SHLD2: variants seen among roughly 807,000 people sequenced by gnomAD.
The protein encoded by SHLD2 is shieldin complex subunit 2, also known as RINN1-REV7-interacting novel NHEJ regulator 2.
SHLD2 carries 30 observed loss-of-function variants against 73.2 expected under a neutral mutation model. That is an observed-to-expected ratio of 0.41 (90% CI 0.31 to 0.56). SHLD2 has a LOEUF of 0.56. Among genes scored for constraint, SHLD2 ranks in the 20% least tolerant of loss-of-function variants. The probability of loss-of-function intolerance (pLI) is 0.28; values close to 1 mark genes in which losing one functional copy is unlikely to be tolerated. For synonymous variants in SHLD2, 285 were observed against 370.1 expected (o/e 0.77, Z 2.64); for missense variants, 745 against 1,055.9 (o/e 0.71, Z 4.08).
At chr10:87,136,129 G>GGTT (rs1450544809) in intron 2 of SHLD2, among the ~76,000 whole-genome samples, 1 of 151,578 alleles carries the variant, frequency 6.6e-6, no homozygotes, top group Non-Finnish European at 1.5e-5. Context: ...TGGACTTATG[G>GGTT]ATATTTTATA....
At chr10:87,120,468 C>T (rs1050883707) in intron 2 of SHLD2, among the ~76,000 whole-genome samples, 53 of 151,794 alleles carry the variant, frequency 3.5e-4, no homozygotes, top group Non-Finnish European at 5.2e-4. Flanking sequence ...AGGATGGTCT[C>T]GATCTCCTGA....
At chr10:87,102,902 G>T (rs949227606) in intron 2 of SHLD2, among the ~76,000 whole-genome samples, 2 of 151,638 alleles carry the variant, frequency 1.3e-5, no homozygotes, top group Non-Finnish European at 2.9e-5. Flanking sequence ...AGTAAACAAG[G>T]ACTTTTAAAA....
chr10:87,156,344 C>T (rs1156523414), intron 3 of SHLD2, among the ~76,000 whole-genome samples: 12 of 152,128 alleles, frequency 7.9e-5, no homozygotes, highest in Admixed American at 1.3e-4. Flanking sequence ...GGATTACAGG[C>T]GTGAGCCATC....
At chr10:87,156,224 G>A (rs1589594214) in intron 3 of SHLD2, among the ~76,000 whole-genome samples, 1 of 151,816 alleles carries the variant, frequency 6.6e-6, no homozygotes, top group African/African-American at 2.4e-5. Flanking sequence ...CCGCCACCAC[G>A]CCTGACTAAT....
At chr10:87,134,033 G>A (rs1844619149) in intron 2 of SHLD2, among the ~76,000 whole-genome samples, 1 of 152,148 alleles carries the variant, frequency 6.6e-6, no homozygotes, top group African/African-American at 2.4e-5. Context: ...CAGGATGAAG[G>A]CATGAAGGGT....
chr10:87,184,884 G>T (rs534507287), intron 8 of SHLD2, among the ~76,000 whole-genome samples: 179 of 152,192 alleles, frequency 1.2e-3, no homozygotes, highest in Middle Eastern at 0.01. Context: ...GTAATTTGTA[G>T]TTGCATACTG....
At chr10:87,120,405 G>T (rs1460070296) in intron 2 of SHLD2, among the ~76,000 whole-genome samples, 1 of 151,854 alleles carries the variant, frequency 6.6e-6, no homozygotes, top group East Asian at 1.9e-4. Context: ...CCGCCACCAC[G>T]CCCGGCTGAT....
Position 87,170,679 on chromosome 10 carries a change from A to G in SHLD2, c.1828+7A>G, listed in dbSNP as rs1847536687. ...GATTTCACTATACTGACAGGTAAAT[A>G]TTTTGACTGCCTCCTTAATTTTAGA... is the stretch of plus-strand genomic sequence containing the variant. On this transcript the variant is annotated splice_region_variant and intron_variant, in intron 5 of 9. Coordinates refer to ENST00000298786, the MANE Select transcript of SHLD2 (RefSeq NM_001330112.2). The G allele has an allele frequency of 6.3e-7, 1 of 1,598,418 alleles. No individual in the cohort carries two copies. Among genetic ancestry groups the G allele is most frequent in the African/African-American group, 1.4e-5 (1 of 74,068 alleles).
intron 2 of SHLD2, among the ~76,000 whole-genome samples, chr10:87,129,371 G>A (rs1391534036): frequency 2.0e-5 from 3 of 152,302 alleles, no homozygotes; most frequent in Admixed American, 6.5e-5. Context: ...GATTATGGGC[G>A]TTAGCCACCG....
At chr10:87,111,416 G>A (rs1181017143) in intron 2 of SHLD2, among the ~76,000 whole-genome samples, 1 of 151,710 alleles carries the variant, frequency 6.6e-6, no homozygotes, top group Non-Finnish European at 1.5e-5. Flanking sequence ...CGAAGTAGAC[G>A]GATCACTTGA....
upstream of SHLD2, chr10:87,094,608 G>A (rs1260272427): frequency 2.5e-6 from 4 of 1,610,454 alleles, no homozygotes; most frequent in Non-Finnish European, 3.4e-6. The surrounding 1 kb of genome is among the most constrained non-coding windows in gnomAD (Gnocchi z 6.6). Context: ...CCACCGCCTC[G>A]CTGTAGTGGC....
At chr10:87,122,934 C>T (rs192696484) in intron 2 of SHLD2, among the ~76,000 whole-genome samples, 1,746 of 152,202 alleles carry the variant, frequency 0.011, 30 homozygotes, top group Middle Eastern at 0.071. Context: ...CCTGCCACCA[C>T]GCTCGGCTAA....
intron 8 of SHLD2, among the ~76,000 whole-genome samples, chr10:87,181,483 A>G (rs1190227428): frequency 2.6e-5 from 4 of 152,236 alleles, no homozygotes; most frequent in African/African-American, 9.6e-5. Context: ...TATTTATGTC[A>G]TTCCAAATGT....
intron 2 of SHLD2, among the ~76,000 whole-genome samples, chr10:87,103,928 G>A (rs1842426568): frequency 1.3e-5 from 2 of 152,086 alleles, no homozygotes; most frequent in African/African-American, 4.8e-5. Context: ...AAACATGTGA[G>A]GTCTCTTAAA....
intron 3 of SHLD2, among the ~76,000 whole-genome samples, chr10:87,154,903 T>C (rs1296514246): frequency 1.3e-5 from 2 of 152,166 alleles, no homozygotes; most frequent in Non-Finnish European, 2.9e-5. Context: ...TTAGCTAATG[T>C]ACCTTGGTGT....
intron 2 of SHLD2, among the ~76,000 whole-genome samples, chr10:87,138,479 G>T (rs565715088): frequency 1.3e-5 from 2 of 151,506 alleles, no homozygotes; most frequent in East Asian, 1.9e-4. Flanking sequence ...AGAAGGGAAA[G>T]AATTTGTTTC....
intron 2 of SHLD2, among the ~76,000 whole-genome samples, chr10:87,104,089 C>T (rs1222263326): frequency 7.4e-5 from 11 of 149,512 alleles, no homozygotes; most frequent in African/African-American, 1.5e-4. Flanking sequence ...AAAAATCAGC[C>T]GGGCATGATG....
chr10:87,143,930 C>A (rs1845393770), intron 2 of SHLD2, among the ~76,000 whole-genome samples: 1 of 146,396 alleles, frequency 6.8e-6, no homozygotes, highest in Admixed American at 7.0e-5. Context: ...GTGACGCGAT[C>A]TTGGCTCACT....
chr10:87,095,562 C>G (rs1426014367), intron 1 of SHLD2, among the ~76,000 whole-genome samples: 2 of 152,210 alleles, frequency 1.3e-5, no homozygotes, highest in African/African-American at 2.4e-5. Context: ...GCTGAGGGCT[C>G]GGCGTCACCA....
Sources: gnomAD v4.1 joint callset for allele counts (sites outside exome capture counted in the v4.1 genomes callset) on GRCh38, gnomAD v4.1.1 for gene constraint, Gnocchi (gnomAD v3.1) non-coding constraint, MANE v1.5 for transcripts, NCBI Gene and HGNC (gene_info 2026-07-23, HGNC 2026-07-21) for gene names.